Variants in TMEM145 observed in about 807,000 individuals in gnomAD.
TMEM145 encodes the protein transmembrane protein 145.
A neutral mutation model predicts 68.5 loss-of-function variants in TMEM145; 46 were observed. The ratio of observed to expected loss-of-function variants is 0.67; its 90% CI spans 0.53 to 0.86. The LOEUF is 0.86. Ranked by LOEUF, TMEM145 falls within the 40% of genes least tolerant of loss-of-function variation. TMEM145 has a pLI of 0.00. For synonymous variants in TMEM145, 255 were observed against 280.2 expected (o/e 0.91, Z 0.90); for missense variants, 570 against 645.8 (o/e 0.88, Z 1.27).
chr19:42,316,807 C>T, intron 10 of TMEM145, 63 bp from the exon 11 acceptor site: 1 of 1,607,948 alleles, frequency 6.2e-7, no homozygotes, highest in Non-Finnish European at 8.5e-7. Context: ...GGTTGGGGGG[C>T]TGGGTGCATC....
intron 11 of TMEM145, among the ~76,000 whole-genome samples, chr19:42,317,480 CAT>C (rs1315854951): frequency 1.3e-5 from 2 of 152,242 alleles, no homozygotes; most frequent in Non-Finnish European, 2.9e-5. Context: ...AAAACTCACA[CAT>C]GAGAGGGGTT....
Position 42,317,753 on chromosome 19 carries a change from C to T in TMEM145, c.945C>T (p.Ala315=), listed in dbSNP as rs774510847. The part of the protein sequence containing the change: ...GQVLYTYESP[A]GYGLIGLQVA... ...TACTGTACACGTATGAGTCGCCGGC[C>T]GGCTACGGGCTCATTGGACTGCAGG... The change falls in exon 12 of 15, where the codon GCC becomes GCT. Residue 315 remains alanine, a synonymous_variant. Transcript: ENST00000301204. 5.6e-6 allele frequency: 9 copies of T among 1,614,182 alleles called. No homozygotes were observed. The highest frequency in any genetic ancestry group is 5.0e-5 in the Admixed American group (3 of 60,020).
chr19:42,315,209 C>G lies in TMEM145; in HGVS notation c.527C>G (p.Thr176Ser). The G allele has an allele frequency of 6.2e-7, 1 of 1,608,158 alleles. No individual in the cohort carries two copies. ...DEFGILETDV[T>S]FLLIFILIFF... ...GCAGGGATCCTGGAGACAGATGTGA[C>G]CTTCCTCCTCATCTTCATCCTCATC... The change falls in exon 7 of 15, where the codon ACC (threonine) becomes AGC (serine). Residue 176 changes from threonine (T) to serine (S), a missense_variant. Coordinates refer to ENST00000301204, the MANE Select transcript of TMEM145 (RefSeq NM_173633.3).
chr19:42,323,729 T>G lies in TMEM145; in HGVS notation c.1341T>G (p.Phe447Leu). The change falls in exon 14 of 15, where the codon TTT becomes TTG. Residue 447 changes from phenylalanine to leucine, a missense_variant. Coordinates refer to ENST00000301204, the MANE Select transcript of TMEM145 (RefSeq NM_173633.3). The part of the protein sequence containing the change: ...FPQHVYGNVT[F>L]ISDSVPNFTE... ...AGCACGTCTATGGGAACGTGACGTT[T>G]ATCAGCGACTCGGTGCCCAACTTCA... is the stretch of plus-strand genomic sequence containing the variant. 1 of 1,614,142 alleles carries G rather than the reference T, an allele frequency of 6.2e-7. No homozygotes were observed. The highest frequency in any genetic ancestry group is 8.5e-7 in the Non-Finnish European group (1 of 1,180,014).
chr19:42,316,680 C>A lies in TMEM145; in HGVS notation c.746C>A (p.Ser249Tyr). ...CTCCCAGCCAAGCTGCTCTTCTCCT[C>A]CAGCTTCCTCATCTTCCTGCTGATG... ...VKILAKLLFS[S>Y]SFLIFLLMLI... The change falls in exon 10 of 15, where the codon TCC becomes TAC. Residue 249 changes from serine (S) to tyrosine (Y), a missense_variant. Ser to Tyr is a moderately radical substitution (Grantham distance 144). Transcript: ENST00000301204. 1 of 1,613,852 alleles carries A rather than the reference C, an allele frequency of 6.2e-7. No individual in the cohort carries two copies. The highest frequency in any genetic ancestry group is 1.1e-5 in the South Asian group (1 of 91,084).
chr19:42,314,243 C>T (rs747917347), intron 1 of TMEM145, 29 bp from the exon 2 acceptor site: 22 of 1,612,424 alleles, frequency 1.4e-5, no homozygotes, highest in Non-Finnish European at 1.7e-5. Context: ...AAGGACTCAG[C>T]GGAGGGTCAG....
rs536605631 is a variant in TMEM145, at chr19:42,318,322, C to G, written c.1073+441C>G. ...GGCGGAGCTTGCAGTGAACCAAGATCGCACCACTGCACTCCAGCCTGGGCC... is the reference window on the plus strand; with the variant it reads ...GGCGGAGCTTGCAGTGAACCAAGATGGCACCACTGCACTCCAGCCTGGGCC... On this transcript the variant is annotated intron_variant, in intron 12 of 14. Transcript: ENST00000301204. Among the ~76,000 whole-genome samples, 35 of 148,658 alleles carry G rather than the reference C, an allele frequency of 2.4e-4. 1 individual carries two copies. In the South Asian group the frequency reaches 7.1e-3, roughly 30 times the overall value.
chr19:42,315,701 T>G (rs1599978903), intron 8 of TMEM145, among the ~76,000 whole-genome samples: 5 of 143,164 alleles, frequency 3.5e-5, no homozygotes, highest in African/African-American at 5.2e-5. Context: ...GAGGAGGGGG[T>G]GGGACCTGAC....
intron 14 of TMEM145, 35 bp downstream of exon 14, chr19:42,323,824 T>C (rs1356934656): frequency 6.3e-7 from 1 of 1,598,834 alleles, no homozygotes; most frequent in Admixed American, 1.7e-5. Context: ...GAGGAGCTGC[T>C]GGCGCCGCCC....
At chr19:42,320,970 T>C (rs915843086) in intron 13 of TMEM145, 2 of 398,836 alleles carry the variant, frequency 5.0e-6, no homozygotes, top group Non-Finnish European at 4.4e-6. Flanking sequence ...CTTTGTGTCC[T>C]GGCTTCTTTC....
At chr19:42,324,596 C>T (rs1301555113) in intron 14 of TMEM145, 141 bp from the exon 15 acceptor site, 37 of 1,367,922 alleles carry the variant, frequency 2.7e-5, no homozygotes, top group Admixed American at 7.3e-5. Flanking sequence ...CCTGCTTTAT[C>T]CCGGCCCGAG....
At position 42,316,852 on chromosome 19, in the gene TMEM145, C is replaced by A; in HGVS notation, c.807-18C>A. The A allele has an allele frequency of 6.2e-7, 1 of 1,612,758 alleles. No individual in the cohort carries two copies. The highest frequency in any genetic ancestry group is 8.5e-7 in the Non-Finnish European group (1 of 1,179,842). On this transcript the variant is annotated intron_variant, in intron 10 of 14. Coordinates refer to ENST00000301204, the MANE Select transcript of TMEM145 (RefSeq NM_173633.3). ...GACGGCCCCCACCCTGCTGTCTCCC[C>A]TCATGGCCTGCTGCCAGGGGCCGCA...
At chr19:42,322,228 AG>A (rs1286576354) in intron 13 of TMEM145, among the ~76,000 whole-genome samples, 2 of 152,202 alleles carry the variant, frequency 1.3e-5, no homozygotes, top group Admixed American at 1.3e-4. Context: ...GCAGGAAGTC[AG>A]AAAGGGACAG....
intron 14 of TMEM145, 70 bp downstream of exon 14, chr19:42,323,859 G>A: frequency 7.1e-7 from 1 of 1,402,178 alleles, no homozygotes; most frequent in Non-Finnish European, 9.9e-7. Context: ...CCCGCTCCCG[G>A]CCCCGCCGCC....
chr19:42,314,152 G>T, intron 1 of TMEM145, 120 bp from the exon 2 acceptor site: 1 of 996,026 alleles, frequency 1.0e-6, no homozygotes, highest in Non-Finnish European at 1.6e-6. Flanking sequence ...AGGTGACCTG[G>T]TCTCCTTCTA....
rs1568546752 is a variant in TMEM145 at position 42,315,409 on chromosome 19, T to C, written c.615T>C (p.Tyr205=). Residue 205 remains tyrosine, a synonymous_variant, in exon 8 of 15, where the codon TAT becomes TAC. Coordinates refer to ENST00000301204, the MANE Select transcript of TMEM145 (RefSeq NM_173633.3). The part of the protein sequence containing the change: ...LKGRQLLHTT[Y]KMFMAAAGVE... ...GTCGTCAGTTGCTCCACACAACTTA[T>C]AAAATGTTCATGGCCGCAGCAGGAG... 6.2e-7 allele frequency: 1 copy of C among 1,614,158 alleles called. No individual in the cohort carries two copies. The highest frequency in any genetic ancestry group is 1.7e-4 in the Middle Eastern group (1 of 6,060).
chr19:42,314,386 C>T (rs1242900530), intron 2 of TMEM145, 40 bp downstream of exon 2: 2 of 1,613,828 alleles, frequency 1.2e-6, no homozygotes, highest in Admixed American at 1.7e-5. Context: ...AGGCTGGGTA[C>T]TTCCCTTGGC....
chr19:42,319,259 A>G (rs1412692589), intron 12 of TMEM145, among the ~76,000 whole-genome samples: 1 of 152,148 alleles, frequency 6.6e-6, no homozygotes, highest in Non-Finnish European at 1.5e-5. Context: ...GAGCCCATTA[A>G]CTTCTCTCTG....
chr19:42,323,662 C>T lies in TMEM145; in HGVS notation c.1274C>T (p.Pro425Leu), dbSNP rs1209018960. 6.2e-7 allele frequency: 1 copy of T among 1,614,212 alleles called. No individual in the cohort carries two copies. The highest frequency in any genetic ancestry group is 1.7e-5 in the Admixed American group (1 of 60,026). Residue 425 changes from proline (P) to leucine (L), a missense_variant, in exon 14 of 15, where the codon CCT becomes CTT. Transcript: ENST00000301204. ...TCGCAGATCGCTTCAGCCGGAGTCC[C>T]TGGACCCGGAGGGAGCCAATCCGCT... Reference protein sequence around the residue: ...RTSQIASAGVPGPGGSQSADK... With the variant: ...RTSQIASAGVLGPGGSQSADK...
Sources: gnomAD v4.1 joint callset for allele counts (sites outside exome capture counted in the v4.1 genomes callset) on GRCh38, gnomAD v4.1.1 for gene constraint, MANE v1.5 for transcripts, NCBI Gene and HGNC (gene_info 2026-07-23, HGNC 2026-07-21) for gene names.